C4BPA: variants seen among roughly 807,000 people sequenced by gnomAD.
The protein encoded by C4BPA is complement component 4 binding protein alpha.
A neutral mutation model predicts 63.7 loss-of-function variants in C4BPA; 31 were observed. That is an observed-to-expected ratio of 0.49 (90% CI 0.37 to 0.66). The LOEUF is 0.66. Ranked by LOEUF, C4BPA falls within the 30% of genes least tolerant of loss-of-function variation. The probability of loss-of-function intolerance (pLI) is 0.00; values close to 1 mark genes in which losing one functional copy is unlikely to be tolerated. For synonymous variants in C4BPA, 259 were observed against 254.7 expected (o/e 1.02, Z -0.16); for missense variants, 572 against 723.3 (o/e 0.79, Z 2.40).
chr1:207,124,388 T>C, intron 6 of C4BPA, 22 bp downstream of exon 6: 2 of 1,541,722 alleles, frequency 1.3e-6, no homozygotes, highest in Non-Finnish European at 1.8e-6. Context: ...TGATGAATTC[T>C]GCATCAAAAT....
chr1:207,118,224 T>TATCTATCTA (rs1684851616), intron 4 of C4BPA, among the ~76,000 whole-genome samples: 1 of 151,126 alleles, frequency 6.6e-6, no homozygotes, highest in African/African-American at 2.5e-5. Flanking sequence ...TCTATCTATC[T>TATCTATCTA]ATCTATCTAT....
chr1:207,124,859 C>T (rs1310362801), intron 6 of C4BPA, among the ~76,000 whole-genome samples: 1 of 152,216 alleles, frequency 6.6e-6, no homozygotes, highest in Non-Finnish European at 1.5e-5. Context: ...CTTTCCATTA[C>T]AGCCTTTTGT....
At chr1:207,137,512 G>A (rs1685307097) in intron 9 of C4BPA, among the ~76,000 whole-genome samples, 1 of 152,218 alleles carries the variant, frequency 6.6e-6, no homozygotes, top group South Asian at 2.1e-4. Context: ...ATCATAGGTA[G>A]ATTTTCTGAT....
chr1:207,139,430 G>A (rs1685362674), intron 9 of C4BPA, among the ~76,000 whole-genome samples: 1 of 152,154 alleles, frequency 6.6e-6, no homozygotes, highest in Non-Finnish European at 1.5e-5. Context: ...AGATATTGTG[G>A]TGGTGTTTTT....
chr1:207,143,065 G>C (rs1685455422), intron 10 of C4BPA, among the ~76,000 whole-genome samples: 1 of 152,160 alleles, frequency 6.6e-6, no homozygotes, highest in Non-Finnish European at 1.5e-5. Context: ...ATTCACAGTA[G>C]CAAAGACTTG....
chr1:207,114,406 G>T lies in C4BPA; in HGVS notation c.328+121G>T, dbSNP rs921222194. On this transcript the variant is annotated intron_variant, in intron 3 of 11. Coordinates refer to ENST00000367070, the MANE Select transcript of C4BPA (RefSeq NM_000715.4). Reference sequence around the variant, plus strand: ...CAGTTTGTCAATTACTGATTTCAATGTACATACTTGTGGCATTTTTTGAAA... The same window carrying T: ...CAGTTTGTCAATTACTGATTTCAATTTACATACTTGTGGCATTTTTTGAAA... The T allele has an allele frequency of 5.1e-5, 30 of 593,912 alleles. No homozygotes were observed. In the East Asian group the frequency reaches 1.2e-3, roughly 24 times the overall value. 36.8% of individuals were successfully genotyped at this position (593,912 alleles called of 1,614,324 possible).
chr1:207,108,268 C>T (rs1165103117), intron 1 of C4BPA, among the ~76,000 whole-genome samples: 1 of 152,068 alleles, frequency 6.6e-6, no homozygotes, highest in African/African-American at 2.4e-5. Flanking sequence ...GCACTTATAA[C>T]TTTCAGTAAA....
chr1:207,144,055 A>G (rs1326560019), intron 11 of C4BPA, 62 bp downstream of exon 11: 6 of 1,256,960 alleles, frequency 4.8e-6, no homozygotes. Flanking sequence ...GGCATCCCCC[A>G]GAGCTCTGTA....
At chr1:207,127,471 T>C (rs1451878140) in intron 7 of C4BPA, 1 of 152,234 alleles carries the variant, frequency 6.6e-6, no homozygotes, top group Non-Finnish European at 1.5e-5. Context: ...ACTATGATTA[T>C]CCTTATGTTA....
chr1:207,133,187 C>T (rs781594387), intron 8 of C4BPA, among the ~76,000 whole-genome samples: 8 of 152,190 alleles, frequency 5.3e-5, no homozygotes, highest in South Asian at 2.1e-4. Flanking sequence ...GTATTTTCTG[C>T]ACTGCAAAGC....
At chr1:207,126,284 A>G (rs988492792) in intron 6 of C4BPA, among the ~76,000 whole-genome samples, 8 of 148,014 alleles carry the variant, frequency 5.4e-5, no homozygotes, top group Admixed American at 3.4e-4. Flanking sequence ...TATCAAATAT[A>G]AAAATATATA....
Position 207,126,138 on chromosome 1 carries a change from G to T in C4BPA, c.707-575G>T, listed in dbSNP as rs1685037604. On this transcript the variant is annotated intron_variant, in intron 6 of 11. Transcript: ENST00000367070. Reference sequence around the variant, plus strand: ...GGGTTATGTATGACTGATTTTTATTGGTAGGGAAGTTGGAGGAGCTATCCA... The same window carrying T: ...GGGTTATGTATGACTGATTTTTATTTGTAGGGAAGTTGGAGGAGCTATCCA... Among the ~76,000 whole-genome samples, 4 of 151,838 alleles carry T rather than the reference G, an allele frequency of 2.6e-5. No individual in the cohort carries two copies. The South Asian group carries it at 8.3e-4, about 32-fold the overall frequency.
At chr1:207,121,323 T>C (rs1684917923) in intron 4 of C4BPA, among the ~76,000 whole-genome samples, 1 of 152,190 alleles carries the variant, frequency 6.6e-6, no homozygotes, top group Non-Finnish European at 1.5e-5. Flanking sequence ...TTTTGCTACA[T>C]AAAGATTCAT....
intron 7 of C4BPA, among the ~76,000 whole-genome samples, chr1:207,128,005 A>T (rs955112095): frequency 6.6e-6 from 1 of 152,202 alleles, no homozygotes; most frequent in Non-Finnish European, 1.5e-5. Flanking sequence ...GCAAACATGC[A>T]TCAGTGTCTG....
At chr1:207,116,620 A>G (rs1684797025) in intron 4 of C4BPA, among the ~76,000 whole-genome samples, 1 of 150,134 alleles carries the variant, frequency 6.7e-6, no homozygotes, top group Non-Finnish European at 1.5e-5. Flanking sequence ...ATTTGTATTT[A>G]TGTTGTTAAA....
rs1273065386 is a variant in C4BPA at position 207,144,612 on chromosome 1, G to A, written c.1689G>A (p.Glu563=). ...TCATGCAGTGTCTCCCAAACCCAGA[G>A]GATGTGAAAATGGCCCTGGAGGTAT... ...KRLMQCLPNP[E]DVKMALEVYK... is the part of the protein sequence containing the mutation. The change falls in exon 12 of 12, where the codon GAG becomes GAA. Residue 563 remains glutamate, a synonymous_variant. Transcript: ENST00000367070. 1 of 1,613,372 alleles carries A rather than the reference G, an allele frequency of 6.2e-7. No homozygotes were observed. Among genetic ancestry groups the A allele is most frequent in the African/African-American group, 1.3e-5 (1 of 74,878 alleles).
chr1:207,123,568 A>G (rs1271367172), intron 4 of C4BPA, among the ~76,000 whole-genome samples: 1 of 152,182 alleles, frequency 6.6e-6, no homozygotes, highest in African/African-American at 2.4e-5. Flanking sequence ...CTTCAAGCCA[A>G]AGATGGGGAG....
intron 6 of C4BPA, 26 bp from the exon 7 acceptor site, chr1:207,126,687 A>G (rs1411501937): frequency 1.9e-6 from 3 of 1,576,384 alleles, no homozygotes; most frequent in Non-Finnish European, 2.6e-6. Context: ...TTTAAAATCC[A>G]CTTGTCTTTT....
chr1:207,120,260 T>C (rs1684894771), intron 4 of C4BPA, among the ~76,000 whole-genome samples: 1 of 152,192 alleles, frequency 6.6e-6, no homozygotes, highest in Non-Finnish European at 1.5e-5. Flanking sequence ...GGATGCCCAG[T>C]TAAATTTGAT....
Sources: allele counts gnomAD v4.1 joint callset (sites outside exome capture counted in the v4.1 genomes callset), GRCh38; gene constraint gnomAD v4.1.1; transcripts MANE v1.5; gene names NCBI Gene and HGNC (gene_info 2026-07-23, HGNC 2026-07-21).